KLHL20: variants seen among roughly 807,000 people sequenced by gnomAD.
KLHL20 encodes the protein kelch like family member 20, also known as kelch-like protein 20.
KLHL20 carries 29 observed loss-of-function variants against 69.5 expected under a neutral mutation model. That is an observed-to-expected ratio of 0.42 (90% confidence interval 0.31 to 0.57). KLHL20 has a LOEUF of 0.57. Among genes scored for constraint, KLHL20 ranks in the 20% least tolerant of loss-of-function variants. KLHL20 has a pLI of 0.18. For synonymous variants in KLHL20, 253 were observed against 265.2 expected (o/e 0.95, Z 0.45); for missense variants, 419 against 776.0 (o/e 0.54, Z 5.47).
chr1:173,750,786 C>G (rs1431561646), intron 3 of KLHL20, among the ~76,000 whole-genome samples: 1 of 152,100 alleles, frequency 6.6e-6, no homozygotes, highest in Non-Finnish European at 1.5e-5. Flanking sequence ...GTCTCGAATT[C>G]CTGAGCTCAA....
chr1:173,756,078 C>A, intron 6 of KLHL20, 40 bp downstream of exon 6: 1 of 1,389,164 alleles, frequency 7.2e-7, no homozygotes, highest in Non-Finnish European at 1.0e-6. Context: ...TGAGTATTTT[C>A]CCAGGTGAGA....
intron 7 of KLHL20, among the ~76,000 whole-genome samples, chr1:173,763,375 G>GA (rs746689696): frequency 9.9e-5 from 15 of 151,938 alleles, no homozygotes; most frequent in Admixed American, 2.0e-4. Flanking sequence ...CACAGAATTA[G>GA]AAAAAAACAA....
chr1:173,748,716 T>A lies in KLHL20; in HGVS notation c.598-3048T>A, dbSNP rs1268214445. 3.9e-5 allele frequency among the ~76,000 whole-genome samples: 6 copies of A among 152,222 alleles called. No homozygotes were observed. The East Asian group carries it at 1.2e-3, about 29-fold the overall frequency. ...ATACATATGTAACTAACCTGCACAT[T>A]GTGCACATGTACCCTAAAACTTAAA... On this transcript the variant is annotated intron_variant, in intron 3 of 11. Coordinates refer to ENST00000209884, the MANE Select transcript of KLHL20 (RefSeq NM_014458.4).
chr1:173,747,235 C>G (rs1673104532), intron 3 of KLHL20, among the ~76,000 whole-genome samples: 2 of 151,802 alleles, frequency 1.3e-5, no homozygotes, highest in Admixed American at 6.6e-5. Flanking sequence ...TGTCGCTTGG[C>G]TCTTCTATAT....
At chr1:173,758,227 C>T (rs1013896188) in intron 7 of KLHL20, among the ~76,000 whole-genome samples, 22 of 151,568 alleles carry the variant, frequency 1.5e-4, no homozygotes, top group African/African-American at 4.1e-4. Flanking sequence ...GATGAGATTG[C>T]GCCATTGCAC....
At chr1:173,743,705 C>T (rs1055913183) in intron 3 of KLHL20, among the ~76,000 whole-genome samples, 6 of 151,932 alleles carry the variant, frequency 3.9e-5, no homozygotes, top group African/African-American at 1.4e-4. Flanking sequence ...CTGGTTTATC[C>T]GTCTTGTGTT....
At position 173,742,845 on chromosome 1, in the gene KLHL20, A is replaced by G. The variant is rs548606639; in HGVS notation, c.597+8559A>G. Among the ~76,000 whole-genome samples, 6 of 151,920 alleles carry G rather than the reference A, an allele frequency of 3.9e-5. No individual in the cohort carries two copies. In the South Asian group the frequency reaches 1.0e-3, roughly 26 times the overall value. On this transcript the variant is annotated intron_variant, in intron 3 of 11. Coordinates refer to ENST00000209884, the MANE Select transcript of KLHL20 (RefSeq NM_014458.4). ...CATTGGCCTTAAGAAACATTAAAAC[A>G]TTATAAACATTTTGGTACTACAGAA...
chr1:173,722,008 A>G (rs1214583994), intron 2 of KLHL20, among the ~76,000 whole-genome samples: 1 of 152,214 alleles, frequency 6.6e-6, no homozygotes, highest in Non-Finnish European at 1.5e-5. Flanking sequence ...ATTGCAATAA[A>G]GAAGTACCTG....
At chr1:173,720,333 A>C (rs984862099) in intron 2 of KLHL20, among the ~76,000 whole-genome samples, 3 of 152,050 alleles carry the variant, frequency 2.0e-5, no homozygotes, top group African/African-American at 7.2e-5. Context: ...CTTGTGCAAA[A>C]AAAAAAAAGA....
At chr1:173,732,758 T>C (rs915198685) in intron 2 of KLHL20, among the ~76,000 whole-genome samples, 14 of 152,318 alleles carry the variant, frequency 9.2e-5, no homozygotes, top group African/African-American at 3.1e-4. Context: ...CTTATTCACT[T>C]ATTTTATAAT....
intron 8 of KLHL20, among the ~76,000 whole-genome samples, chr1:173,766,647 G>GAAAAAAA (rs59947652): frequency 8.1e-6 from 1 of 123,806 alleles, no homozygotes; most frequent in Non-Finnish European, 1.8e-5. Context: ...TATCAAGGGG[G>GAAAAAAA]AAAAAAAAAA....
intron 3 of KLHL20, 132 bp from the exon 4 acceptor site, chr1:173,751,632 C>G (rs2102498098): frequency 8.7e-6 from 6 of 687,678 alleles, no homozygotes; most frequent in East Asian, 8.3e-5. Context: ...TCAAATTTTT[C>G]CTTTCCTCTG....
intron 11 of KLHL20, among the ~76,000 whole-genome samples, chr1:173,784,129 A>G (rs1340077856): frequency 6.6e-6 from 1 of 152,162 alleles, no homozygotes; most frequent in African/African-American, 2.4e-5. Flanking sequence ...GAGCTAACCA[A>G]TTGTATTGAG....
At position 173,766,230 on chromosome 1, in the gene KLHL20, A is replaced by G. The variant is rs766339388; in HGVS notation, c.1236A>G (p.Gly412=). ...CRTSVGVAVL[G]GFLYAVGGQD... ...CAAGTGTTGGTGTAGCAGTACTTGG[A>G]GGCTTTCTTTATGCTGTGGGTGGCC... Residue 412 remains glycine, a synonymous_variant, in exon 8 of 12, where the codon GGA becomes GGG. Coordinates refer to ENST00000209884, the MANE Select transcript of KLHL20 (RefSeq NM_014458.4). 49 of 1,611,636 alleles carry G rather than the reference A, an allele frequency of 3.0e-5. No individual in the cohort carries two copies. The African/African-American group carries it at 5.8e-4, about 19-fold the overall frequency.
At chr1:173,748,412 G>T (rs1388151132) in intron 3 of KLHL20, among the ~76,000 whole-genome samples, 1 of 152,016 alleles carries the variant, frequency 6.6e-6, no homozygotes, top group South Asian at 2.1e-4. Flanking sequence ...TTCCAACAAA[G>T]TATAAAAGGG....
At chr1:173,762,461 A>T (rs1237531410) in intron 7 of KLHL20, among the ~76,000 whole-genome samples, 1 of 152,248 alleles carries the variant, frequency 6.6e-6, no homozygotes, top group Non-Finnish European at 1.5e-5. Flanking sequence ...ATCCTTGATG[A>T]ATGTAGATGC....
chr1:173,778,786 T>C (rs1648651632), intron 10 of KLHL20, among the ~76,000 whole-genome samples: 1 of 152,230 alleles, frequency 6.6e-6, no homozygotes, highest in Admixed American at 6.5e-5. Flanking sequence ...AATTATCCTT[T>C]GAATGTCTAC....
intron 7 of KLHL20, among the ~76,000 whole-genome samples, chr1:173,763,479 TCA>T (rs1647452026): frequency 6.6e-6 from 1 of 152,126 alleles, no homozygotes; most frequent in South Asian, 2.1e-4. Flanking sequence ...CTACCTGATT[TCA>T]GACTATATTA....
intron 2 of KLHL20, 62 bp from the exon 3 acceptor site, chr1:173,733,651 A>G (rs938464811): frequency 7.8e-7 from 1 of 1,288,414 alleles, no homozygotes. Flanking sequence ...CAAACATTTA[A>G]GGGGAGAAAA....
Sources: allele counts gnomAD v4.1 joint callset (sites outside exome capture counted in the v4.1 genomes callset), GRCh38; gene constraint gnomAD v4.1.1; transcripts MANE v1.5; gene names NCBI Gene and HGNC (gene_info 2026-07-23, HGNC 2026-07-21).